The following ITSN1 variants were observed in gnomAD, a reference collection of about 807,000 sequenced individuals.
ITSN1 encodes intersectin-1.
ITSN1 carries 58 observed loss-of-function variants against 239.8 expected under a neutral mutation model. The ratio of observed to expected loss-of-function variants is 0.24; its 90% CI spans 0.20 to 0.30. ITSN1 has a LOEUF of 0.30. ITSN1 is among the 10% of genes least tolerant of loss of function. The pLI, the probability that ITSN1 is intolerant of heterozygous loss-of-function variation, is 1.00. For synonymous variants in ITSN1, 780 were observed against 770.8 expected (o/e 1.01, Z -0.20); for missense variants, 1,558 against 2,103.3 (o/e 0.74, Z 5.07).
chr21:33,720,598 A>G (rs938153276), intron 2 of ITSN1, among the ~76,000 whole-genome samples: 1 of 152,120 alleles, frequency 6.6e-6, no homozygotes, highest in Non-Finnish European at 1.5e-5. Flanking sequence ...GCATACTGAG[A>G]TACCTGTTTT....
intron 20 of ITSN1, 168 bp from the exon 21 acceptor site, chr21:33,810,807 A>T: frequency 1.2e-6 from 1 of 815,868 alleles, no homozygotes; most frequent in Non-Finnish European, 2.1e-6. Flanking sequence ...TTTTTTTTTC[A>T]GCATTACTGC....
At chr21:33,701,734 G>A (rs1342630724) in intron 1 of ITSN1, among the ~76,000 whole-genome samples, 1 of 151,834 alleles carries the variant, frequency 6.6e-6, no homozygotes, top group Non-Finnish European at 1.5e-5. Context: ...GGCGGAGGCT[G>A]CAGTGAGCAG....
At chr21:33,781,898 G>T (rs992019551) in intron 15 of ITSN1, 96 bp from the exon 16 acceptor site, 1 of 1,228,480 alleles carries the variant, frequency 8.1e-7, no homozygotes, top group Non-Finnish European at 1.1e-6. Flanking sequence ...TTTTTAACCA[G>T]CAAGAATTTC....
chr21:33,820,956 T>G (rs1286521450), intron 24 of ITSN1, among the ~76,000 whole-genome samples: 1 of 152,250 alleles, frequency 6.6e-6, no homozygotes, highest in East Asian at 1.9e-4. Flanking sequence ...TTATTTTGTT[T>G]ATGCCTTAGC....
chr21:33,786,937 A>T lies in ITSN1; in HGVS notation c.1824+4804A>T, dbSNP rs529232391. 2.6e-5 allele frequency among the ~76,000 whole-genome samples: 4 copies of T among 152,336 alleles called. No individual in the cohort carries two copies. The East Asian group carries it at 7.7e-4, about 29-fold the overall frequency. The stretch of plus-strand genomic sequence containing the variant: ...TCTCCATGCCCTACTCAGGCAATGC[A>T]CATCTTTCTCAGACTAAGAATGATG... On this transcript the variant is annotated intron_variant, in intron 16 of 39. Coordinates refer to ENST00000381318, the MANE Select transcript of ITSN1 (RefSeq NM_003024.3).
chr21:33,872,942 C>G (rs1280410652), intron 33 of ITSN1, among the ~76,000 whole-genome samples: 1 of 152,138 alleles, frequency 6.6e-6, no homozygotes, highest in African/African-American at 2.4e-5. Flanking sequence ...TGAAACTAAA[C>G]AAAACAAATG....
rs116049453 is a variant in ITSN1, at chr21:33,773,982, G to T, written c.1306-747G>T. On this transcript the variant is annotated intron_variant, in intron 12 of 39. Coordinates refer to ENST00000381318, the MANE Select transcript of ITSN1 (RefSeq NM_003024.3). Reference sequence around the variant, plus strand: ...AGCGTGAGCCACTGCGCCCGGCCCCGTAACTCCTTTTTGTTCAGACAGACA... The same window carrying T: ...AGCGTGAGCCACTGCGCCCGGCCCCTTAACTCCTTTTTGTTCAGACAGACA... Among the ~76,000 whole-genome samples, 747 of 152,204 alleles carry T rather than the reference G, an allele frequency of 4.9e-3. 4 individuals carry two copies. Among genetic ancestry groups the T allele is most frequent in the African/African-American group, 0.017 (704 of 41,524 alleles).
chr21:33,863,569 G>A lies in ITSN1; in HGVS notation c.3891-1582G>A, dbSNP rs184024017. Among the ~76,000 whole-genome samples the A allele has an allele frequency of 1.3e-3, 201 of 152,280 alleles. 2 individuals carry two copies. Among genetic ancestry groups the A allele is most frequent in the African/African-American group, 4.6e-3 (192 of 41,574 alleles). On this transcript the variant is annotated intron_variant, in intron 31 of 39. Transcript: ENST00000381318. ...CACTCGGGAGACTGAGGTGGAGGTT[G>A]TAGAGCTGGGATTGCACCACTGCAC...
chr21:33,699,460 C>T (rs372887548), intron 1 of ITSN1, among the ~76,000 whole-genome samples: 9 of 152,274 alleles, frequency 5.9e-5, no homozygotes, highest in East Asian at 3.9e-4. Flanking sequence ...TGGCTGGGCA[C>T]GGTGCCTCAT....
chr21:33,686,157 TC>T (rs2091224184), intron 1 of ITSN1, among the ~76,000 whole-genome samples: 1 of 152,210 alleles, frequency 6.6e-6, no homozygotes, highest in Non-Finnish European at 1.5e-5. Flanking sequence ...TGTCTACTTT[TC>T]TTCAGTAGCT....
intron 20 of ITSN1, 97 bp downstream of exon 20, chr21:33,802,541 G>A (rs1264452758): frequency 4.8e-6 from 6 of 1,247,420 alleles, no homozygotes; most frequent in Non-Finnish European, 7.0e-6. Context: ...ATCTCTGGGT[G>A]TTGTTGCGGC....
intron 29 of ITSN1, among the ~76,000 whole-genome samples, chr21:33,851,852 T>C (rs1372711288): frequency 1.5e-5 from 2 of 129,296 alleles, no homozygotes; most frequent in East Asian, 2.9e-4. Flanking sequence ...GGTGCGATCA[T>C]AGCTCACTGC....
Position 33,722,440 on chromosome 21 carries a change from G to A in ITSN1, c.122-148G>A, listed in dbSNP as rs1317193130. 9.0e-6 allele frequency: 9 copies of A among 995,272 alleles called. No individual in the cohort carries two copies. The South Asian group carries it at 2.2e-4, about 25-fold the overall frequency. The allele number at this position is 995,272 out of a possible 1,614,324, so 61.7% of individuals were successfully genotyped here. On this transcript the variant is annotated intron_variant, in intron 3 of 39. Coordinates refer to ENST00000381318, the MANE Select transcript of ITSN1 (RefSeq NM_003024.3). ...TGGATTCTTTTACTGTTGCCTATGG[G>A]CTTATCCTTGGACTTTTATAATGCA...
Position 33,750,235 on chromosome 21 carries a change from G to T in ITSN1, c.439G>T (p.Val147Leu). 6.2e-7 allele frequency: 1 copy of T among 1,614,116 alleles called. No homozygotes were observed. Among genetic ancestry groups the T allele is most frequent in the Non-Finnish European group, 8.5e-7 (1 of 1,180,004 alleles). The change falls in exon 6 of 40, where the codon GTA becomes TTA. Residue 147 changes from valine (V) to leucine (L), a missense_variant. Physicochemically the swap from Val to Leu is conservative, Grantham distance 32. This residue lies in a region of ITSN1 where 982 missense variants were observed against 1,209.9 expected (regional missense o/e 0.81). Coordinates refer to ENST00000381318, the MANE Select transcript of ITSN1 (RefSeq NM_003024.3). ...AGTTGTTGGAATGTCTCCAACCCTAGTATCTTCTGTTCCCACAGCAGCTGT... is the reference window on the plus strand; with the variant it reads ...AGTTGTTGGAATGTCTCCAACCCTATTATCTTCTGTTCCCACAGCAGCTGT... ...IPVVGMSPTL[V>L]SSVPTAAVPP... is the part of the protein sequence containing the mutation.
In ITSN1 at chr21:33,836,896, C is replaced by T. The variant is rs2074633398; in HGVS notation, c.3661+264C>T. 3.3e-6 allele frequency: 3 copies of T among 901,620 alleles called. No homozygotes were observed. The African/African-American group carries it at 5.0e-5, about 15-fold the overall frequency. 55.9% of individuals were successfully genotyped at this position (901,620 alleles called of 1,614,324 possible). ...TTTTTTTTTTTAAATCATTTTGGCA[C>T]CATGCTGTTTACATGCCTGACTCAT... On this transcript the variant is annotated intron_variant, in intron 29 of 39. Coordinates refer to ENST00000381318, the MANE Select transcript of ITSN1 (RefSeq NM_003024.3).
intron 1 of ITSN1, among the ~76,000 whole-genome samples, chr21:33,706,140 C>T (rs897809888): frequency 5.3e-5 from 8 of 152,208 alleles, no homozygotes; most frequent in African/African-American, 1.9e-4. Context: ...CTGCCTCAGC[C>T]TCCCGAGTAG....
chr21:33,667,274 T>A (rs1163919638), intron 1 of ITSN1, among the ~76,000 whole-genome samples: 1 of 152,088 alleles, frequency 6.6e-6, no homozygotes, highest in Non-Finnish European at 1.5e-5. Context: ...GTTTTTTTTT[T>A]ACAATTCTCT....
At chr21:33,665,876 A>G (rs1157697345) in intron 1 of ITSN1, among the ~76,000 whole-genome samples, 2 of 152,166 alleles carry the variant, frequency 1.3e-5, no homozygotes, top group Non-Finnish European at 2.9e-5. Context: ...CATGTATAAC[A>G]TAGATGTACC....
chr21:33,754,801 C>G (rs1207100347), intron 7 of ITSN1, among the ~76,000 whole-genome samples: 1 of 152,258 alleles, frequency 6.6e-6, no homozygotes, highest in East Asian at 1.9e-4. Context: ...TTTAAACTTA[C>G]CAGAATGGAG....
Sources: allele counts gnomAD v4.1 joint callset (sites outside exome capture counted in the v4.1 genomes callset), GRCh38; gene constraint gnomAD v4.1.1; regional missense constraint gnomAD v4.1.1; transcripts MANE v1.5; gene names NCBI Gene and HGNC (gene_info 2026-07-23, HGNC 2026-07-21).